The following CHIC1 variants were observed in gnomAD, a reference collection of about 807,000 sequenced individuals.
The protein encoded by CHIC1 is cysteine rich hydrophobic domain 1, also known as cysteine-rich hydrophobic domain-containing protein 1.
Under a neutral mutation model 18.5 loss-of-function variants are expected in CHIC1, and 7 were observed. The observed-to-expected ratio is 0.38, with a 90% confidence interval of 0.22 to 0.71. The LOEUF (loss-of-function observed/expected upper bound fraction) is 0.71. Ranked by LOEUF, CHIC1 falls within the 30% of genes least tolerant of loss-of-function variation. The pLI is 0.49. For synonymous variants in CHIC1, 77 were observed against 73.5 expected, an observed-to-expected ratio of 1.05 and a Z score of -0.25; for missense variants, 159 against 176.9, an observed-to-expected ratio of 0.90 and a Z score of 0.57.
intron 3 of CHIC1, among the ~76,000 whole-genome samples, chrX:73,599,549 C>A (rs1419580984): frequency 6.0e-4 from 63 of 104,845 alleles, no homozygotes; most frequent in Middle Eastern, 4.7e-3. Context: ...CTTTCTACAT[C>A]TGGCTAGCCA....
At chrX:73,580,172 T>C (rs1218989174) in intron 2 of CHIC1, among the ~76,000 whole-genome samples, 1 of 111,116 alleles carries the variant, frequency 9.0e-6, no homozygotes, top group Non-Finnish European at 1.9e-5. Flanking sequence ...ACAAGCCTTC[T>C]GAAACTAAAA....
intron 3 of CHIC1, among the ~76,000 whole-genome samples, chrX:73,633,599 A>T (rs569853461): frequency 9.0e-6 from 1 of 111,651 alleles, no homozygotes; most frequent in East Asian, 2.8e-4. Flanking sequence ...GAAGTTTTCC[A>T]TCATTATTTA....
At chrX:73,669,346 A>G (rs1363938630) in intron 3 of CHIC1, among the ~76,000 whole-genome samples, 1 of 111,821 alleles carries the variant, frequency 8.9e-6, no homozygotes, top group African/African-American at 3.3e-5. Context: ...TGCCCTGCTT[A>G]AAGAAGCAGT....
intron 3 of CHIC1, among the ~76,000 whole-genome samples, chrX:73,672,015 C>T (rs185039199): frequency 9.1e-4 from 101 of 110,939 alleles, no homozygotes; most frequent in African/African-American, 2.9e-3. Context: ...TGAGAACATG[C>T]GGTGTTTGGT....
intron 3 of CHIC1, among the ~76,000 whole-genome samples, chrX:73,677,987 GGTT>G (rs1269244356): frequency 1.0e-5 from 1 of 99,888 alleles, no homozygotes; most frequent in Non-Finnish European, 2.0e-5. Flanking sequence ...TCCTTTTGGA[GGTT>G]GTTTTTTTTT....
At chrX:73,673,434 T>C (rs1224716547) in intron 3 of CHIC1, among the ~76,000 whole-genome samples, 1 of 111,775 alleles carries the variant, frequency 8.9e-6, no homozygotes, top group Non-Finnish European at 1.9e-5. Context: ...TGAGCAGTGG[T>C]TTATAGGTCT....
chrX:73,618,742 TC>T (rs1258864483), intron 3 of CHIC1, among the ~76,000 whole-genome samples: 7 of 112,138 alleles, frequency 6.2e-5, no homozygotes, highest in Non-Finnish European at 1.1e-4. Context: ...GTTTTATTCC[TC>T]CCCGCCTGCT....
intron 3 of CHIC1, among the ~76,000 whole-genome samples, chrX:73,611,411 GT>G (rs1428341291): frequency 9.2e-6 from 1 of 108,701 alleles, no homozygotes; most frequent in Non-Finnish European, 1.9e-5. Flanking sequence ...TCTTAATCTG[GT>G]CTATCGTTGT....
rs1489835186 is a variant in CHIC1 at position 73,686,029 on chromosome X, CAATT to C, written c.*5027_*5030del. The C allele has an allele frequency of 1.8e-5, 2 of 111,197 alleles. No individual in the cohort carries two copies. Among genetic ancestry groups the C allele is most frequent in the African/African-American group, 6.5e-5 (2 of 30,729 alleles). The allele number at this position is 111,197 out of a possible 1,213,427, so 9.2% of individuals were successfully genotyped here. ...CCCATAATATTCCTGCTTCACAAGTCAATTAAGACATTGAATTTCCATTCATTTT... is the reference window on the plus strand; with the variant it reads ...CCCATAATATTCCTGCTTCACAAGTCAAGACATTGAATTTCCATTCATTTT... On this transcript the variant is annotated 3_prime_UTR_variant, in exon 6 of 6. Transcript: ENST00000373502.
rs1271364238 is a variant in CHIC1 at position 73,597,564 on chromosome X, A to G, written c.507+12992A>G. 3.7e-5 allele frequency among the ~76,000 whole-genome samples: 4 copies of G among 106,758 alleles called. No individual in the cohort carries two copies. The East Asian group carries it at 8.6e-4, about 23-fold the overall frequency. The allele number at this position is 106,758 out of a possible 115,157, so 92.7% of individuals were successfully genotyped here. On this transcript the variant is annotated intron_variant, in intron 3 of 5. Transcript: ENST00000373502. ...TAAAAAAATATATTTTTATATATAT[A>G]ACATAATTATATATATACATATATA...
chrX:73,587,210 A>G (rs998086514), intron 3 of CHIC1, among the ~76,000 whole-genome samples: 1 of 112,237 alleles, frequency 8.9e-6, no homozygotes, highest in Non-Finnish European at 1.9e-5. Context: ...ATTTTTATGT[A>G]GATAGTCTGC....
At chrX:73,592,581 T>C (rs1014848162) in intron 3 of CHIC1, among the ~76,000 whole-genome samples, 1 of 111,129 alleles carries the variant, frequency 9.0e-6, no homozygotes, top group Non-Finnish European at 1.9e-5. Context: ...AATTAATTTT[T>C]TGATGTGCTG....
At chrX:73,624,832 C>G (rs1298382420) in intron 3 of CHIC1, among the ~76,000 whole-genome samples, 1 of 112,192 alleles carries the variant, frequency 8.9e-6, no homozygotes, top group Non-Finnish European at 1.9e-5. Flanking sequence ...CAGAATGATA[C>G]AGAAAGACAC....
At position 73,563,537 on chromosome X, in the gene CHIC1, G is replaced by C. The variant is rs1162348694; in HGVS notation, c.253G>C (p.Ala85Pro). Residue 85 changes from alanine (A) to proline (P), a missense_variant, in exon 1 of 6, where the codon GCT (alanine) becomes CCT (proline). By Grantham distance (27) the Ala-to-Pro change is conservative. Transcript: ENST00000373502. The stretch of plus-strand genomic sequence containing the variant: ...GAGCGAGGAGCATCTGCGGAGATAT[G>C]CTCCCGACCCTGTATTAGTGCGGGG... ...VVSEEHLRRY[A>P]PDPVLVRGAG... 1.8e-6 allele frequency: 2 copies of C among 1,133,857 alleles called. No homozygotes were observed. The highest frequency in any genetic ancestry group is 2.3e-6 in the Non-Finnish European group (2 of 856,276). The allele number at this position is 1,133,857 out of a possible 1,213,427, so 93.4% of individuals were successfully genotyped here. A position where few individuals can be genotyped will look rare whatever the true frequency, so the allele number is the denominator to read the frequency against.
chrX:73,668,463 A>C (rs1198127343), intron 3 of CHIC1, among the ~76,000 whole-genome samples: 1 of 111,264 alleles, frequency 9.0e-6, no homozygotes, highest in Non-Finnish European at 1.9e-5. Flanking sequence ...AGTTTTTAGC[A>C]TTTTTTTGTT....
At chrX:73,584,281 G>T in intron 2 of CHIC1, 136 bp from the exon 3 acceptor site, 1 of 510,138 alleles carries the variant, frequency 2.0e-6, no homozygotes, top group Non-Finnish European at 3.0e-6. Context: ...TAGAGTGCGT[G>T]AACATATTTA....
intron 3 of CHIC1, among the ~76,000 whole-genome samples, chrX:73,625,320 A>G (rs747250353): frequency 2.3e-4 from 26 of 111,735 alleles, no homozygotes; most frequent in Middle Eastern, 9.1e-3. Flanking sequence ...GTGGATTAAA[A>G]TAGTTTCAAC....
At chrX:73,650,877 C>T (rs1275964656) in intron 3 of CHIC1, among the ~76,000 whole-genome samples, 1 of 111,053 alleles carries the variant, frequency 9.0e-6, no homozygotes, top group Non-Finnish European at 1.9e-5. Flanking sequence ...CTGGCAGAGA[C>T]ACAACAAAAA....
At position 73,585,222 on chromosome X, in the gene CHIC1, A is replaced by G. The variant is rs771319124; in HGVS notation, c.507+650A>G. ...TAAACTTTTAAATAATAAGTAGCCAATGAAATCAGATTCAAAATTATAGTG... is the reference window on the plus strand; with the variant it reads ...TAAACTTTTAAATAATAAGTAGCCAGTGAAATCAGATTCAAAATTATAGTG... On this transcript the variant is annotated intron_variant, in intron 3 of 5. Transcript: ENST00000373502. Among the ~76,000 whole-genome samples, 14 of 111,989 alleles carry G rather than the reference A, an allele frequency of 1.3e-4. No homozygotes were observed. In the South Asian group the frequency reaches 3.7e-3, roughly 29 times the overall value.
Sources: allele counts gnomAD v4.1 joint callset (sites outside exome capture counted in the v4.1 genomes callset), GRCh38; gene constraint gnomAD v4.1.1; transcripts MANE v1.5; gene names NCBI Gene and HGNC (gene_info 2026-07-23, HGNC 2026-07-21).